BAZ2B: variants seen among roughly 807,000 people sequenced by gnomAD.
The protein encoded by BAZ2B is bromodomain adjacent to zinc finger domain 2B, also known as bromodomain adjacent to zinc finger domain protein 2B.
A neutral mutation model predicts 246.0 loss-of-function variants in BAZ2B; 91 were observed. The observed-to-expected ratio is 0.37, with a 90% CI of 0.31 to 0.44. BAZ2B has a LOEUF of 0.44. Ranked by LOEUF, BAZ2B falls within the 20% of genes least tolerant of loss-of-function variation. The pLI is 1.00. For missense variants in BAZ2B, 2,332 were observed against 2,533.7 expected, an observed-to-expected ratio of 0.92 and a Z score of 1.71; for synonymous variants, 855 against 860.0, an observed-to-expected ratio of 0.99 and a Z score of 0.10.
intron 13 of BAZ2B, among the ~76,000 whole-genome samples, chr2:159,414,430 A>G (rs1436256395): frequency 1.3e-5 from 2 of 152,234 alleles, no homozygotes; most frequent in Non-Finnish European, 2.9e-5. Flanking sequence ...GTATAACTGG[A>G]TTGTTTGTAA....
At position 159,398,978 on chromosome 2, in the gene BAZ2B, T is replaced by C. The variant is rs533140371; in HGVS notation, c.2899-84A>G. On this transcript the variant is annotated intron_variant, in intron 17 of 36. Transcript: ENST00000392783. ...ATGTCAGACTTGAAATGAAGCTACATGTCTCACAAGGTACGAAACAGTATG... is the reference window on the plus strand; with the variant it reads ...ATGTCAGACTTGAAATGAAGCTACACGTCTCACAAGGTACGAAACAGTATG... 15 of 1,308,408 alleles carry C rather than the reference T, an allele frequency of 1.1e-5. No individual in the cohort carries two copies. The Admixed American group carries it at 2.3e-4, about 20-fold the overall frequency. The allele number at this position is 1,308,408 out of a possible 1,614,324, so 81.0% of individuals were successfully genotyped here.
intron 1 of BAZ2B, among the ~76,000 whole-genome samples, chr2:159,573,333 T>C (rs1287912704): frequency 3.3e-5 from 5 of 152,118 alleles, no homozygotes; most frequent in Non-Finnish European, 7.4e-5. Flanking sequence ...CAGAATAGAA[T>C]TGAGATTCAA....
chr2:159,408,300 A>G (rs1451769437), intron 14 of BAZ2B, among the ~76,000 whole-genome samples: 1 of 152,152 alleles, frequency 6.6e-6, no homozygotes, highest in African/African-American at 2.4e-5. Context: ...AGCCTCCTGA[A>G]TAACCAGGAC....
At chr2:159,533,409 T>C (rs760031182) in intron 2 of BAZ2B, among the ~76,000 whole-genome samples, 1 of 152,192 alleles carries the variant, frequency 6.6e-6, no homozygotes. Flanking sequence ...CTGTGCAATA[T>C]AGATCAAGTC....
chr2:159,499,602 G>A (rs1321738973), intron 2 of BAZ2B, among the ~76,000 whole-genome samples: 2 of 152,180 alleles, frequency 1.3e-5, no homozygotes. Context: ...TCGCCATACT[G>A]TCTTCCACAT....
intron 2 of BAZ2B, among the ~76,000 whole-genome samples, chr2:159,530,014 TA>T (rs1284193383): frequency 2.0e-5 from 3 of 152,226 alleles, no homozygotes; most frequent in Non-Finnish European, 4.4e-5. Context: ...CTTTCAACTC[TA>T]ACTTTTCAAA....
At chr2:159,441,635 C>T (rs928135119) in intron 6 of BAZ2B, among the ~76,000 whole-genome samples, 3 of 147,314 alleles carry the variant, frequency 2.0e-5, no homozygotes, top group Admixed American at 1.4e-4. Context: ...TTATTACTTA[C>T]AAATTTTTTA....
intron 13 of BAZ2B, among the ~76,000 whole-genome samples, chr2:159,413,967 T>C (rs1328083536): frequency 6.6e-6 from 1 of 152,218 alleles, no homozygotes; most frequent in Non-Finnish European, 1.5e-5. Flanking sequence ...TGCACTCCCA[T>C]GTTTGCTGCA....
intron 33 of BAZ2B, among the ~76,000 whole-genome samples, chr2:159,335,160 T>A (rs2065411598): frequency 6.6e-6 from 1 of 152,172 alleles, no homozygotes; most frequent in African/African-American, 2.4e-5. Context: ...AAGGTGACAT[T>A]CAAGCTGGTT....
the BAZ2B span, among the ~76,000 whole-genome samples, chr2:159,630,532 TTC>T: frequency 7.6e-6 from 1 of 130,740 alleles, no homozygotes; most frequent in South Asian, 2.7e-4. Context: ...AACCGTATTC[TTC>T]TCTCTTTTTT....
chr2:159,534,480 T>C (rs558358352), intron 2 of BAZ2B, among the ~76,000 whole-genome samples: 2 of 152,306 alleles, frequency 1.3e-5, no homozygotes, highest in African/African-American at 2.4e-5. Context: ...TAGGTAAACA[T>C]ATCTAAACAT....
rs948975464 is a variant in BAZ2B at position 159,476,026 on chromosome 2, C to T, written c.145+2549G>A. ...GTCAGGATACACGGGGGTCAGGGAC[C>T]CACTTGAGGAGGTAATCTGTCCCTT... On this transcript the variant is annotated intron_variant, in intron 3 of 36. Coordinates refer to ENST00000392783, the MANE Select transcript of BAZ2B (RefSeq NM_013450.4). Among the ~76,000 whole-genome samples the T allele has an allele frequency of 7.2e-5, 11 of 152,200 alleles. 1 individual carries two copies. The highest frequency in any genetic ancestry group is 2.2e-4 in the African/African-American group (9 of 41,504).
intron 27 of BAZ2B, among the ~76,000 whole-genome samples, chr2:159,364,043 C>A (rs1227654450): frequency 6.6e-6 from 1 of 152,192 alleles, no homozygotes; most frequent in African/African-American, 2.4e-5. Context: ...CTCTAGAAGC[C>A]AAGCTTCTTT....
intron 1 of BAZ2B, among the ~76,000 whole-genome samples, chr2:159,614,935 T>C (rs1220473001): frequency 6.6e-6 from 1 of 152,196 alleles, no homozygotes; most frequent in African/African-American, 2.4e-5. Context: ...ACACACTTCC[T>C]AATACTTCTT....
In BAZ2B at chr2:159,401,117, A is replaced by G. The variant is rs1489616058; in HGVS notation, c.2833-453T>C. 6.6e-5 allele frequency among the ~76,000 whole-genome samples: 10 copies of G among 152,220 alleles called. No individual in the cohort carries two copies. In the East Asian group the frequency reaches 1.9e-3, roughly 29 times the overall value. On this transcript the variant is annotated intron_variant, in intron 16 of 36. Coordinates refer to ENST00000392783, the MANE Select transcript of BAZ2B (RefSeq NM_013450.4). ...TTCATTATTTAGCGTAAAACCATAT[A>G]TATTTTCATGTCTGAAATTAATATG...
At chr2:159,604,155 C>T (rs1692842575) in intron 1 of BAZ2B, among the ~76,000 whole-genome samples, 1 of 152,252 alleles carries the variant, frequency 6.6e-6, no homozygotes, top group East Asian at 1.9e-4. Flanking sequence ...TGTACAGCTG[C>T]ATATACCCTT....
At chr2:159,390,561 T>A (rs1576446319) in intron 20 of BAZ2B, among the ~76,000 whole-genome samples, 1 of 152,090 alleles carries the variant, frequency 6.6e-6, no homozygotes. Flanking sequence ...TCTAATCATC[T>A]CCATTTCGAT....
At chr2:159,461,841 CA>C (rs34798049) in intron 3 of BAZ2B, 1 of 152,652 alleles carries the variant, frequency 6.6e-6, no homozygotes, top group Non-Finnish European at 1.5e-5. Context: ...CTTTGCCCTC[CA>C]AAAAGGACCT....
At chr2:159,421,403 G>A (rs759808215) in intron 13 of BAZ2B, among the ~76,000 whole-genome samples, 2 of 152,056 alleles carry the variant, frequency 1.3e-5, no homozygotes, top group African/African-American at 2.4e-5. Context: ...TTGAACTCCC[G>A]GACTTAAGCA....
Sources: allele counts gnomAD v4.1 joint callset (sites outside exome capture counted in the v4.1 genomes callset), GRCh38; gene constraint gnomAD v4.1.1; transcripts MANE v1.5; gene names NCBI Gene and HGNC (gene_info 2026-07-23, HGNC 2026-07-21).